Variants in VAC14 observed in about 807,000 individuals in gnomAD.
The protein encoded by VAC14 is VAC14 component of PIKFYVE complex.
Under a neutral mutation model 85.3 loss-of-function variants are expected in VAC14, and 47 were observed. The ratio of observed to expected loss-of-function variants is 0.55; its 90% CI spans 0.44 to 0.70. The LOEUF is 0.70. VAC14 is among the 30% of genes least tolerant of loss of function. VAC14 has a pLI of 0.00. For missense variants in VAC14, 861 were observed against 1,004.3 expected (o/e 0.86, Z 1.93); for synonymous variants, 447 against 430.5 (o/e 1.04, Z -0.47).
chr16:70,761,005 G>GTGTGTGTGTGTT (rs1567577509), intron 12 of VAC14: 2 of 339,450 alleles, frequency 5.9e-6, no homozygotes, highest in Admixed American at 3.3e-5. Flanking sequence ...GTGTGTGTGT[G>GTGTGTGTGTGTT]TGTGTGTGTG....
chr16:70,689,477 G>GC (rs55707027), intron 18 of VAC14: 593,567 of 985,026 alleles, frequency 0.6, 179,473 homozygotes, highest in Non-Finnish European at 0.61. Context: ...GCTTCAGGTG[G>GC]CCACCAGCCT....
At chr16:70,723,226 GA>G (rs143836946) in intron 14 of VAC14, among the ~76,000 whole-genome samples, 66 of 136,326 alleles carry the variant, frequency 4.8e-4, no homozygotes, top group Middle Eastern at 4.1e-3. Context: ...TGTCTCAAAA[GA>G]AAAAAAAAAA....
In VAC14 at chr16:70,762,774, G is replaced by A; in HGVS notation, c.1305+107C>T. On this transcript the variant is annotated intron_variant, in intron 11 of 18. Transcript: ENST00000261776. The surrounding 1 kb of genome is among the most constrained non-coding windows in gnomAD (Gnocchi z 4.1). ...ACCTGTCACTTCTCTGCCGGCCAGG[G>A]TTTCCCTAGAAGGGCAATGACCAAA... The A allele has an allele frequency of 1.9e-6, 3 of 1,562,566 alleles. No individual in the cohort carries two copies. The highest frequency in any genetic ancestry group is 2.3e-5 in the East Asian group (1 of 43,816).
At chr16:70,707,720 T>C (rs1296962202) in intron 14 of VAC14, among the ~76,000 whole-genome samples, 1 of 152,084 alleles carries the variant, frequency 6.6e-6, no homozygotes, top group Non-Finnish European at 1.5e-5. Flanking sequence ...TGACCCTTGC[T>C]GCCACGGGAG....
Position 70,781,719 on chromosome 16 carries a change from C to T in VAC14, c.946+150G>A, listed in dbSNP as rs571558045. On this transcript the variant is annotated intron_variant, in intron 8 of 18. Coordinates refer to ENST00000261776, the MANE Select transcript of VAC14 (RefSeq NM_018052.5). ...CCGGGTCCCTGGCTTTCCTAATCCACGTTTGGCTCCATCTCTTTTTCCCGA... is the reference window on the plus strand; with the variant it reads ...CCGGGTCCCTGGCTTTCCTAATCCATGTTTGGCTCCATCTCTTTTTCCCGA... 1.0e-4 allele frequency: 117 copies of T among 1,147,606 alleles called. No homozygotes were observed. The Middle Eastern group carries it at 1.7e-3, about 17-fold the overall frequency. The allele number at this position is 1,147,606 out of a possible 1,614,324, so 71.1% of individuals were successfully genotyped here. A position where few individuals can be genotyped will look rare whatever the true frequency, so the allele number is the denominator to read the frequency against.
intron 14 of VAC14, among the ~76,000 whole-genome samples, chr16:70,727,865 G>A (rs552065701): frequency 6.6e-6 from 1 of 152,362 alleles, no homozygotes; most frequent in East Asian, 1.9e-4. Flanking sequence ...CCTGGAGCTG[G>A]TTGACAATGG....
intron 18 of VAC14, chr16:70,691,106 G>A: frequency 1.0e-6 from 1 of 985,512 alleles, no homozygotes; most frequent in Non-Finnish European, 1.2e-6. Flanking sequence ...TTCCCTGACT[G>A]ACCGTGGGAG....
intron 12 of VAC14, among the ~76,000 whole-genome samples, chr16:70,758,382 T>C (rs2032043829): frequency 6.6e-6 from 1 of 152,164 alleles, no homozygotes; most frequent in South Asian, 2.1e-4. Flanking sequence ...AAGGAAGGTT[T>C]AGAGCTAGGA....
chr16:70,767,773 T>A (rs1217208852), intron 10 of VAC14, among the ~76,000 whole-genome samples: 1 of 152,214 alleles, frequency 6.6e-6, no homozygotes, highest in Non-Finnish European at 1.5e-5. Flanking sequence ...ATTTGTAAGA[T>A]GGGGATAATA....
In VAC14 at chr16:70,690,656, C is replaced by T. The variant is rs371349080; in HGVS notation, c.2186+2165G>A. 2.6e-4 allele frequency: 260 copies of T among 985,654 alleles called. 5 individuals are homozygous for T. In the South Asian group the frequency reaches 0.011, roughly 41 times the overall value. The allele number at this position is 985,654 out of a possible 1,614,324, so 61.1% of individuals were successfully genotyped here. On this transcript the variant is annotated intron_variant, in intron 18 of 18. Coordinates refer to ENST00000261776, the MANE Select transcript of VAC14 (RefSeq NM_018052.5). ...AAACTCTCCCAGCTGTTCCCAGCTC[C>T]AAGGCCTGCCCCGCAACTCGACCCT...
At chr16:70,738,983 G>C (rs2029986578) in intron 13 of VAC14, among the ~76,000 whole-genome samples, 1 of 152,220 alleles carries the variant, frequency 6.6e-6, no homozygotes. Flanking sequence ...AAGTGTGTTG[G>C]AACAGAGGGG....
At position 70,697,204 on chromosome 16, in the gene VAC14, G is replaced by A. The variant is rs2053730246; in HGVS notation, c.1890C>T (p.Val630=). The A allele has an allele frequency of 2.5e-6, 4 of 1,614,060 alleles. No homozygotes were observed. The highest frequency in any genetic ancestry group is 3.4e-6 in the Non-Finnish European group (4 of 1,179,988). Residue 630 remains valine (V), a synonymous_variant, in exon 16 of 19, where the codon GTC becomes GTT. Coordinates refer to ENST00000261776, the MANE Select transcript of VAC14 (RefSeq NM_018052.5). ...TGAGGAAGCAGAGGGACACCGTGGTGACTGGGTTGTGGCACCAGGAGCGGT... is the reference window on the plus strand; with the variant it reads ...TGAGGAAGCAGAGGGACACCGTGGTAACTGGGTTGTGGCACCAGGAGCGGT... ...CLYRSWCHNP[V]TTVSLCFLTQ...
At chr16:70,696,444 C>T (rs989093931) in intron 16 of VAC14, among the ~76,000 whole-genome samples, 5 of 152,174 alleles carry the variant, frequency 3.3e-5, no homozygotes, top group Non-Finnish European at 5.9e-5. Context: ...ACCCAGGAGG[C>T]GGAGGTTGCA....
In VAC14 at chr16:70,687,631, G is replaced by A; in HGVS notation, c.*297C>T. ...GGAGGGGCAAGCTCTTTTTCCAAGA[G>A]GGTATTAGAAAGAGGTTGATTCCAG... is the stretch of plus-strand genomic sequence containing the variant. On this transcript the variant is annotated 3_prime_UTR_variant, in exon 19 of 19. Coordinates refer to ENST00000261776, the MANE Select transcript of VAC14 (RefSeq NM_018052.5). 1 of 302,088 alleles carries A rather than the reference G, an allele frequency of 3.3e-6. No individual in the cohort carries two copies. Among genetic ancestry groups the A allele is most frequent in the South Asian group, 1.4e-4 (1 of 7,240 alleles). The allele number at this position is 302,088 out of a possible 1,614,324, so 18.7% of individuals were successfully genotyped here. A position where few individuals can be genotyped will look rare whatever the true frequency, so the allele number is the denominator to read the frequency against.
chr16:70,800,540 A>G lies in VAC14; in HGVS notation c.104+257T>C, dbSNP rs146723358. Among the ~76,000 whole-genome samples the G allele has an allele frequency of 1.9e-4, 29 of 152,286 alleles. 1 individual carries two copies. The East Asian group carries it at 5.6e-3, about 29-fold the overall frequency. ...CCATGCACTGTGCAAAGCACTACCC[A>G]TACATGATGTCACTTCATTCTCACT... On this transcript the variant is annotated intron_variant, in intron 1 of 18. Transcript: ENST00000261776.
intron 12 of VAC14, among the ~76,000 whole-genome samples, chr16:70,760,407 T>C (rs2032231253): frequency 6.6e-6 from 1 of 152,122 alleles, no homozygotes; most frequent in Non-Finnish European, 1.5e-5. Context: ...TCACCAAAGA[T>C]TAAGCAGGGG....
rs140438330 is a variant in VAC14 at position 70,781,877 on chromosome 16, C to T, written c.938G>A (p.Arg313His). The T allele has an allele frequency of 5.0e-6, 8 of 1,613,798 alleles. No homozygotes were observed. Among genetic ancestry groups the T allele is most frequent in the East Asian group, 2.2e-5 (1 of 44,892 alleles). Reference sequence around the variant, plus strand: ...CCCAAAGCAAAGGATACTTTTCTTGCGGTCATCGTAGGCCAAGCAGGGCAA... The same window carrying T: ...CCCAAAGCAAAGGATACTTTTCTTGTGGTCATCGTAGGCCAAGCAGGGCAA... Reference protein sequence around the residue: ...AVLPCLAYDDRKKSIKEVANV... With the variant: ...AVLPCLAYDDHKKSIKEVANV... Residue 313 changes from arginine (R) to histidine (H), a missense_variant, in exon 8 of 19, where the codon CGC becomes CAC. Coordinates refer to ENST00000261776, the MANE Select transcript of VAC14 (RefSeq NM_018052.5).
intron 18 of VAC14, chr16:70,690,382 C>G (rs967476965): frequency 2.0e-6 from 2 of 985,556 alleles, no homozygotes; most frequent in Non-Finnish European, 2.4e-6. Flanking sequence ...TAACCACCCT[C>G]GGGCACCGAG....
intron 14 of VAC14, among the ~76,000 whole-genome samples, chr16:70,712,454 G>A (rs137921445): frequency 1.7e-4 from 26 of 152,222 alleles, no homozygotes; most frequent in Admixed American, 7.2e-4. Context: ...GGCAGCCTCC[G>A]TGGGGAGGGA....
Sources: gnomAD v4.1 joint callset for allele counts (sites outside exome capture counted in the v4.1 genomes callset) on GRCh38, gnomAD v4.1.1 for gene constraint, Gnocchi (gnomAD v3.1) non-coding constraint, MANE v1.5 for transcripts, NCBI Gene and HGNC (gene_info 2026-07-23, HGNC 2026-07-21) for gene names.